The following SUCNR1 variants were observed in gnomAD, a reference collection of about 807,000 sequenced individuals.
SUCNR1 encodes succinate receptor 1, also known as G-protein coupled receptor 91.
Under a neutral mutation model 2.4 loss-of-function variants are expected in SUCNR1, and 5 were observed. The observed-to-expected ratio is 2.07, with a 90% CI of 1.08 to 4.36. SUCNR1 has a LOEUF of 4.36. SUCNR1 is among the 30% of genes most tolerant of loss of function. The pLI, the probability that SUCNR1 is intolerant of heterozygous loss-of-function variation, is 0.00. For synonymous variants in SUCNR1, 162 were observed against 143.9 expected (o/e 1.13, Z -0.90); for missense variants, 373 against 399.2 (o/e 0.93, Z 0.56).
chr3:151,874,138 ATATATATATT>A (rs1717837173), intron 1 of SUCNR1, among the ~76,000 whole-genome samples: 2 of 76,308 alleles, frequency 2.6e-5, no homozygotes, highest in African/African-American at 1.1e-4. Context: ...ATATATATAT[ATATATATATT>A]TTTTTTTTTT....
In SUCNR1 at chr3:151,879,401, G is replaced by C. The variant is rs148591417; in HGVS notation, c.-41-451G>C. On this transcript the variant is annotated intron_variant, in intron 1 of 2. Coordinates refer to ENST00000362032, the MANE Select transcript of SUCNR1 (RefSeq NM_033050.6). ...ATTAAGAGGCGGGGCCTTTTGGAAA[G>C]TGATGAAGCCATGAAGACTCTACCT... Among the ~76,000 whole-genome samples the C allele has an allele frequency of 1.1e-3, 166 of 152,306 alleles. No individual in the cohort carries two copies. The Middle Eastern group carries it at 0.02, about 19-fold the overall frequency.
chr3:151,876,330 GAATA>G (rs140510976), intron 1 of SUCNR1, among the ~76,000 whole-genome samples: 8,960 of 151,954 alleles, frequency 0.059, 305 homozygotes, highest in Non-Finnish European at 0.068. Flanking sequence ...AAGCTACTGA[GAATA>G]AATAATAATA....
chr3:151,878,268 G>T (rs983128254), intron 1 of SUCNR1, among the ~76,000 whole-genome samples: 2 of 152,030 alleles, frequency 1.3e-5, no homozygotes, highest in African/African-American at 4.8e-5. Context: ...TGTTTATGTT[G>T]CTCCTTATTG....
At position 151,880,581 on chromosome 3, in the gene SUCNR1, A is replaced by C. The variant is rs2108067402; in HGVS notation, c.38A>C (p.Asn13Thr). 1 of 1,607,308 alleles carries C rather than the reference A, an allele frequency of 6.2e-7. No individual in the cohort carries two copies. The highest frequency in any genetic ancestry group is 2.2e-5 in the East Asian group (1 of 44,858). Reference protein sequence around the residue: ...GIMAWNATCKNWLAAEAALEK... With the variant: ...GIMAWNATCKTWLAAEAALEK... ...TAGGCATGGAATGCAACTTGCAAAA[A>C]CTGGCTGGCAGCAGAGGCTGCCCTG... The change falls in exon 3 of 3, where the codon AAC becomes ACC. Residue 13 changes from asparagine to threonine, a missense_variant. By Grantham distance (65) the Asn-to-Thr change is moderately conservative. Around this residue, in one of 3 missense-constraint regions of SUCNR1, gnomAD observed 184 missense variants for 162.2 expected, o/e 1.13. Coordinates refer to ENST00000362032, the MANE Select transcript of SUCNR1 (RefSeq NM_033050.6).
At chr3:151,880,354 C>T (rs34882247) in intron 2 of SUCNR1, among the ~76,000 whole-genome samples, 5,506 of 152,216 alleles carry the variant, frequency 0.036, 149 homozygotes, top group Middle Eastern at 0.058. Flanking sequence ...AAATTATATT[C>T]AGCACATAGT....
At chr3:151,876,521 A>G (rs1324287427) in intron 1 of SUCNR1, among the ~76,000 whole-genome samples, 1 of 152,130 alleles carries the variant, frequency 6.6e-6, no homozygotes, top group Non-Finnish European at 1.5e-5. Context: ...AATAAAAACT[A>G]CCTGAAATCT....
chr3:151,881,365 CT>C lies in SUCNR1; in HGVS notation c.823del (p.Ser275ProfsTer5). 6.2e-7 allele frequency: 1 copy of C among 1,614,202 alleles called. No homozygotes were observed. Among genetic ancestry groups the C allele is most frequent in the Non-Finnish European group, 8.5e-7 (1 of 1,180,024 alleles). ...QYQCTQVVINSFYIVTRPLAF... is the reference protein window; with the variant it reads ...QYQCTQVVINXFYIVTRPLAF... ...ATCAGTGCACTCAGGTCGTCATCAA[CT>C]CCTTTTACATTGTGACACGGCCTTT... On this transcript the variant is annotated frameshift_variant, in exon 3 of 3. Coordinates refer to ENST00000362032, the MANE Select transcript of SUCNR1 (RefSeq NM_033050.6). LOFTEE classifies it low-confidence loss of function (END_TRUNC).
rs1444247641 is a variant in SUCNR1 at position 151,881,572 on chromosome 3, T to C, written c.*24T>C. ...GAGGGGCTTGTGAAACAGATTGTTC[T>C]ACAGATGAATCTGTAAGCCAGTTAC... On this transcript the variant is annotated 3_prime_UTR_variant, in exon 3 of 3. Transcript: ENST00000362032. 2 of 1,553,982 alleles carry C rather than the reference T, an allele frequency of 1.3e-6. No homozygotes were observed. The highest frequency in any genetic ancestry group is 2.0e-5 in the Admixed American group (1 of 50,390).
intron 1 of SUCNR1, among the ~76,000 whole-genome samples, chr3:151,878,067 A>C (rs1009567949): frequency 6.6e-6 from 1 of 152,160 alleles, no homozygotes; most frequent in African/African-American, 2.4e-5. Flanking sequence ...CTGATAAATA[A>C]AATAAGATTA....
chr3:151,880,016 CT>C (rs1718041004), intron 2 of SUCNR1, 109 bp downstream of exon 2: 3 of 696,340 alleles, frequency 4.3e-6, no homozygotes, highest in Admixed American at 5.9e-5. Context: ...GTGTTTCCAC[CT>C]TAATGCCTTC....
intron 1 of SUCNR1, among the ~76,000 whole-genome samples, chr3:151,876,231 G>A (rs1209375615): frequency 6.6e-6 from 1 of 152,132 alleles, no homozygotes; most frequent in African/African-American, 2.4e-5. Context: ...AGCCACAAAA[G>A]AGCATGAAAA....
In SUCNR1 at chr3:151,883,061, T is replaced by G. The variant is rs1044686587; in HGVS notation, c.*1513T>G. 4.6e-5 allele frequency: 7 copies of G among 152,058 alleles called. No homozygotes were observed. The highest frequency in any genetic ancestry group is 9.7e-5 in the African/African-American group (4 of 41,446). The allele number at this position is 152,058 out of a possible 1,614,324, so 9.4% of individuals were successfully genotyped here. The stretch of plus-strand genomic sequence containing the variant: ...TCCCCCAATTTTCCCAGTTGATATC[T>G]CTAGACTTCAAGCAACTGAAATATT... On this transcript the variant is annotated 3_prime_UTR_variant, in exon 3 of 3. Coordinates refer to ENST00000362032, the MANE Select transcript of SUCNR1 (RefSeq NM_033050.6).
intron 1 of SUCNR1, among the ~76,000 whole-genome samples, chr3:151,878,219 A>T (rs1394445646): frequency 6.6e-6 from 1 of 152,082 alleles, no homozygotes; most frequent in Non-Finnish European, 1.5e-5. Flanking sequence ...CAGAAATCAA[A>T]CTATGAAGAG....
rs1718189005 is a variant in SUCNR1 at position 151,884,342 on chromosome 3, T to G, written c.*2794T>G. On this transcript the variant is annotated 3_prime_UTR_variant, in exon 3 of 3. Coordinates refer to ENST00000362032, the MANE Select transcript of SUCNR1 (RefSeq NM_033050.6). ...CTGCCTCACATTTTCCTTTAGATGT[T>G]TGAGCATAGTTTTAATGACTGTTTG... 2 of 152,250 alleles carry G rather than the reference T, an allele frequency of 1.3e-5. No individual in the cohort carries two copies. Among genetic ancestry groups the G allele is most frequent in the South Asian group, 4.1e-4 (2 of 4,838 alleles). 9.4% of individuals were successfully genotyped at this position (152,250 alleles called of 1,614,324 possible).
chr3:151,876,532 C>G (rs1520211), intron 1 of SUCNR1, among the ~76,000 whole-genome samples: 14,480 of 151,976 alleles, frequency 0.095, 1,704 homozygotes, highest in African/African-American at 0.28. Context: ...CCTGAAATCT[C>G]ATCATTAGAG....
In SUCNR1 at chr3:151,880,786, G is replaced by A. The variant is rs1718067454; in HGVS notation, c.243G>A (p.Arg81=). 1 of 1,614,106 alleles carries A rather than the reference G, an allele frequency of 6.2e-7. No individual in the cohort carries two copies. The highest frequency in any genetic ancestry group is 8.5e-7 in the Non-Finnish European group (1 of 1,180,006). The change falls in exon 3 of 3, where the codon AGG becomes AGA. Residue 81 remains arginine, a synonymous_variant. Transcript: ENST00000362032. ...AFLCTLPMLI[R]SYANGNWIYG... is the part of the protein sequence containing the mutation. ...TGTGCACCCTCCCCATGCTGATAAGGAGTTATGCCAATGGAAACTGGATAT... is the reference window on the plus strand; with the variant it reads ...TGTGCACCCTCCCCATGCTGATAAGAAGTTATGCCAATGGAAACTGGATAT...
At chr3:151,879,381 G>C (rs1718016166) in intron 1 of SUCNR1, among the ~76,000 whole-genome samples, 1 of 152,170 alleles carries the variant, frequency 6.6e-6, no homozygotes. Context: ...ATAGTATTAA[G>C]AGGCGGGGCC....
At chr3:151,879,028 C>T (rs1718003421) in intron 1 of SUCNR1, among the ~76,000 whole-genome samples, 1 of 152,336 alleles carries the variant, frequency 6.6e-6, no homozygotes, top group African/African-American at 2.4e-5. Flanking sequence ...GCAACTAATA[C>T]TCAGAAGCCT....
At chr3:151,874,146 A>ATATATT (rs1261567808) in intron 1 of SUCNR1, among the ~76,000 whole-genome samples, 117 of 60,158 alleles carry the variant, frequency 1.9e-3, no homozygotes, top group South Asian at 2.9e-3. Flanking sequence ...ATATATATAT[A>ATATATT]TTTTTTTTTT....
Sources: allele counts gnomAD v4.1 joint callset (sites outside exome capture counted in the v4.1 genomes callset), GRCh38; gene constraint gnomAD v4.1.1; regional missense constraint gnomAD v4.1.1; transcripts MANE v1.5; gene names NCBI Gene and HGNC (gene_info 2026-07-23, HGNC 2026-07-21).